The following PRPF40B variants were observed in gnomAD, a reference collection of about 807,000 sequenced individuals.
PRPF40B encodes pre-mRNA-processing factor 40 homolog B.
PRPF40B carries 56 observed loss-of-function variants against 124.5 expected under a neutral mutation model. That is an observed-to-expected ratio of 0.45 (90% CI 0.36 to 0.56). The LOEUF is 0.56. PRPF40B is among the 20% of genes least tolerant of loss of function. The pLI is 0.00. For synonymous variants in PRPF40B, 443 were observed against 426.4 expected (o/e 1.04, Z -0.48); for missense variants, 1,053 against 1,169.5 (o/e 0.90, Z 1.45).
rs1291019615 is a variant in PRPF40B at position 49,644,086 on chromosome 12, C to T, written c.2587-14C>T. 1.1e-5 allele frequency: 18 copies of T among 1,614,186 alleles called. No individual in the cohort carries two copies. The highest frequency in any genetic ancestry group is 1.4e-5 in the Non-Finnish European group (17 of 1,180,026). On this transcript the variant is annotated splice_polypyrimidine_tract_variant and intron_variant, in intron 25 of 25. Coordinates refer to ENST00000548825, the MANE Select transcript of PRPF40B (RefSeq NM_001031698.3). ...AGTGCAGGCTAAGGGTGAACTGTGC[C>T]TTTGCTCCAACAGACAGGCTGGGAC... is the stretch of plus-strand genomic sequence containing the variant.
Position 49,635,827 on chromosome 12 carries a change from T to C in PRPF40B, c.1276-16T>C, listed in dbSNP as rs1941736834. On this transcript the variant is annotated splice_polypyrimidine_tract_variant and intron_variant, in intron 14 of 25. Transcript: ENST00000548825. This position sits in a 1 kb window ranked among gnomAD's most constrained non-coding sequence, Gnocchi z 4.1. ...TCTGGCCTGCCCTGCCTCACCCTGA[T>C]CCTGTGGCTCCCTAGGAACAGGCCA... The C allele has an allele frequency of 1.2e-6, 2 of 1,613,072 alleles. No individual in the cohort carries two copies. The highest frequency in any genetic ancestry group is 1.3e-5 in the African/African-American group (1 of 74,830).
chr12:49,636,575 G>A (rs905016850), intron 15 of PRPF40B, 141 bp from the exon 16 acceptor site: 12 of 1,041,440 alleles, frequency 1.2e-5, no homozygotes, highest in Non-Finnish European at 1.7e-5. Flanking sequence ...TGCTCCCACA[G>A]AGCCCCCTCC....
upstream of PRPF40B, chr12:49,623,464 C>T: frequency 1.1e-5 from 12 of 1,084,046 alleles, no homozygotes; most frequent in Non-Finnish European, 1.3e-5. Flanking sequence ...GCGGGAGCCA[C>T]CGGAGCCCCG....
intron 2 of PRPF40B, 64 bp downstream of exon 2, chr12:49,630,689 TA>T: frequency 1.4e-6 from 1 of 704,124 alleles, no homozygotes; most frequent in South Asian, 1.6e-5. Context: ...CCCCAGCCCC[TA>T]GCCACTGCTG....
rs1489698083 is a variant in PRPF40B at position 49,635,651 on chromosome 12, T to C, written c.1275+178T>C. On this transcript the variant is annotated intron_variant, in intron 14 of 25. Coordinates refer to ENST00000548825, the MANE Select transcript of PRPF40B (RefSeq NM_001031698.3). This position sits in a 1 kb window ranked among gnomAD's most constrained non-coding sequence, Gnocchi z 4.1. The stretch of plus-strand genomic sequence containing the variant: ...TGCTCTGGGCCTATAGTCCTGGGTG[T>C]AGCAGGGAGGAGGAGTCTCTGAGAG... Among the ~76,000 whole-genome samples the C allele has an allele frequency of 1.3e-5, 2 of 152,182 alleles. No homozygotes were observed. The highest frequency in any genetic ancestry group is 3.4e-3 in the Middle Eastern group (1 of 294).
rs202075390 is a variant in PRPF40B, at chr12:49,636,809, G to A, written c.1520G>A (p.Arg507Gln). The change falls in exon 16 of 26, where the codon CGG becomes CAG. Residue 507 changes from arginine to glutamine, a missense_variant. Physicochemically the swap from Arg to Gln is conservative, Grantham distance 43. Around this residue, in one of 2 missense-constraint regions of PRPF40B, gnomAD observed 895 missense variants for 1,052.2 expected, o/e 0.85. Coordinates refer to ENST00000548825, the MANE Select transcript of PRPF40B (RefSeq NM_001031698.3). The part of the protein sequence containing the change: ...EEEERERARL[R>Q]ERRQQRKNRE... ...GAGGAACGGGAGCGGGCCCGGCTTC[G>A]GGAGCGACGCCAACAACGCAAGAAT... 394 of 1,614,058 alleles carry A rather than the reference G, an allele frequency of 2.4e-4. 1 individual carries two copies. The highest frequency in any genetic ancestry group is 3.6e-5 in the Non-Finnish European group (43 of 1,180,052).
Position 49,630,563 on chromosome 12 carries a change from C to G in PRPF40B, c.22C>G (p.Pro8Ala). MSVPDSG[P>A]RPPAAPAPFP... ...TCAACAGTCGGTTCCCGATTCTGGT[C>G]CCCGGCCCCCAGCAGCGCCTGCCCC... Residue 8 changes from proline to alanine, a missense_variant, in exon 2 of 26, where the codon CCC becomes GCC. Pro to Ala is a conservative substitution (Grantham distance 27). This residue lies in a region of PRPF40B where 158 missense variants were observed against 117.3 expected (regional missense o/e 1.35). Coordinates refer to ENST00000548825, the MANE Select transcript of PRPF40B (RefSeq NM_001031698.3). The G allele has an allele frequency of 7.2e-7, 1 of 1,390,762 alleles. No homozygotes were observed. Among genetic ancestry groups the G allele is most frequent in the African/African-American group, 1.4e-5 (1 of 70,344 alleles). 86.2% of individuals were successfully genotyped at this position (1,390,762 alleles called of 1,614,324 possible). A position where few individuals can be genotyped will look rare whatever the true frequency, so the allele number is the denominator to read the frequency against.
intron 18 of PRPF40B, chr12:49,639,867 C>T (rs186076159): frequency 1.3e-5 from 2 of 152,272 alleles, no homozygotes; most frequent in Admixed American, 6.5e-5. Flanking sequence ...TGGGGAATTA[C>T]TCTCAAAGCA....
Position 49,643,298 on chromosome 12 carries a change from G to C in PRPF40B, c.2281G>C (p.Glu761Gln). The C allele has an allele frequency of 6.2e-7, 1 of 1,613,248 alleles. No homozygotes were observed. The highest frequency in any genetic ancestry group is 8.5e-7 in the Non-Finnish European group (1 of 1,179,758). Residue 761 changes from glutamate (E) to glutamine (Q), a missense_variant, in exon 23 of 26, where the codon GAG becomes CAG. Glu to Gln is a conservative substitution (Grantham distance 29). Transcript: ENST00000548825. ...CAAGCGGAGGAGGCGGAACCCCTCA[G>C]AGTCAGGCTCTGAGCCCTCTTCCTC... is the stretch of plus-strand genomic sequence containing the variant. The part of the protein sequence containing the change: ...PPKRRRRNPS[E>Q]SGSEPSSSLD...
intron 22 of PRPF40B, 42 bp from the exon 23 acceptor site, chr12:49,643,181 C>A: frequency 6.2e-7 from 1 of 1,609,640 alleles, no homozygotes; most frequent in Non-Finnish European, 8.5e-7. Flanking sequence ...TTCTGGAGGG[C>A]AGAGAACCTC....
At chr12:49,637,926 T>C in intron 18 of PRPF40B, 102 bp downstream of exon 18, 1 of 928,328 alleles carries the variant, frequency 1.1e-6, no homozygotes, top group Non-Finnish European at 1.7e-6. Context: ...CATTACAGCT[T>C]GGTTCAGCAG....
chr12:49,633,800 C>T, intron 9 of PRPF40B, 86 bp from the exon 10 acceptor site: 1 of 1,606,360 alleles, frequency 6.2e-7, no homozygotes, highest in Non-Finnish European at 8.5e-7. Context: ...GGCCCCAGTC[C>T]TTCCCAGGAT....
chr12:49,636,353 G>C (rs950733334), intron 15 of PRPF40B: 1 of 400,674 alleles, frequency 2.5e-6, no homozygotes, highest in Non-Finnish European at 4.5e-6. Context: ...GACTGTTGTT[G>C]GCCTGTAATT....
chr12:49,643,422 A>AGTT, intron 23 of PRPF40B, 25 bp downstream of exon 23: 1 of 1,533,728 alleles, frequency 6.5e-7, no homozygotes, highest in Non-Finnish European at 8.7e-7. Flanking sequence ...TGAGCGTAGA[A>AGTT]GCTGGAGAAC....
chr12:49,637,048 C>A, intron 16 of PRPF40B, 199 bp downstream of exon 16: 1 of 789,720 alleles, frequency 1.3e-6, no homozygotes, highest in Non-Finnish European at 2.0e-6. Flanking sequence ...TCTAGGGAGA[C>A]TAGATGTATG....
intron 18 of PRPF40B, chr12:49,639,078 G>C (rs904900935): frequency 2.0e-5 from 3 of 152,184 alleles, no homozygotes; most frequent in African/African-American, 7.2e-5. Flanking sequence ...CTTGGAAGTA[G>C]AGCCCTGCAT....
chr12:49,632,226 A>G (rs1205508895), intron 4 of PRPF40B: 5 of 581,804 alleles, frequency 8.6e-6, no homozygotes, highest in East Asian at 5.7e-5. Context: ...AGTTCTTCAC[A>G]TCCTCTTTGT....
chr12:49,627,739 T>A (rs1181148714), intron 1 of PRPF40B, among the ~76,000 whole-genome samples: 1 of 152,150 alleles, frequency 6.6e-6, no homozygotes. Context: ...GAGCTTGTTA[T>A]AGCTGCTGAT....
upstream of PRPF40B, chr12:49,623,548 T>G (rs994645282): frequency 8.0e-7 from 1 of 1,243,256 alleles, no homozygotes; most frequent in African/African-American, 1.6e-5. Flanking sequence ...CGGCTCTTAC[T>G]GGCGGGTGGG....
Sources: allele counts gnomAD v4.1 joint callset (sites outside exome capture counted in the v4.1 genomes callset), GRCh38; gene constraint gnomAD v4.1.1; regional missense constraint gnomAD v4.1.1; non-coding constraint Gnocchi (gnomAD v3.1); transcripts MANE v1.5; gene names NCBI Gene and HGNC (gene_info 2026-07-23, HGNC 2026-07-21).